HS3ST1: variants seen among roughly 807,000 people sequenced by gnomAD.
The protein encoded by HS3ST1 is heparan sulfate-glucosamine 3-sulfotransferase 1, also known as heparan sulfate glucosamine 3-O-sulfotransferase 1.
HS3ST1 carries 8 observed loss-of-function variants against 20.7 expected under a neutral mutation model. The ratio of observed to expected loss-of-function variants is 0.39; its 90% CI spans 0.23 to 0.70. The LOEUF is 0.70. Among genes scored for constraint, HS3ST1 ranks in the 30% least tolerant of loss-of-function variants. HS3ST1 has a pLI of 0.46. For synonymous variants in HS3ST1, 205 were observed against 190.4 expected (o/e 1.08, Z -0.63); for missense variants, 436 against 423.4 (o/e 1.03, Z -0.26).
chr4:11,397,055 C>T lies in HS3ST1; in HGVS notation c.*2027G>A, dbSNP rs1718164610. On this transcript the variant is annotated 3_prime_UTR_variant, in exon 2 of 2. Coordinates refer to ENST00000002596, the MANE Select transcript of HS3ST1 (RefSeq NM_005114.4). ...GCAGTTTCCTTTCAGTCACCATATT[C>T]CTGAACAGGCTTGGAAACTTGACTT... 1 of 152,228 alleles carries T rather than the reference C, an allele frequency of 6.6e-6. No homozygotes were observed. Among genetic ancestry groups the T allele is most frequent in the African/African-American group, 2.4e-5 (1 of 41,450 alleles). The allele number at this position is 152,228 out of a possible 1,614,324, so 9.4% of individuals were successfully genotyped here.
intron 1 of HS3ST1, among the ~76,000 whole-genome samples, chr4:11,407,975 T>C (rs1158229776): frequency 6.6e-6 from 1 of 152,232 alleles, no homozygotes; most frequent in African/African-American, 2.4e-5. Context: ...TGTCTTTTGT[T>C]TTTTATTTGT....
intron 1 of HS3ST1, among the ~76,000 whole-genome samples, chr4:11,403,376 C>T (rs2108881577): frequency 6.6e-6 from 1 of 152,278 alleles, no homozygotes; most frequent in South Asian, 2.1e-4. Flanking sequence ...CAAAAAGATT[C>T]CCAAGCTCAG....
At chr4:11,415,999 A>C (rs1166489049) in intron 1 of HS3ST1, among the ~76,000 whole-genome samples, 3 of 152,154 alleles carry the variant, frequency 2.0e-5, no homozygotes, top group African/African-American at 7.2e-5. Context: ...AAGTGTAAAA[A>C]CATTCCTAGA....
chr4:11,434,033 C>G (rs966113696), upstream of HS3ST1, among the ~76,000 whole-genome samples: 1 of 152,138 alleles, frequency 6.6e-6, no homozygotes, highest in African/African-American at 2.4e-5. Flanking sequence ...AGAGTATGTC[C>G]CTATTGTCCC....
upstream of HS3ST1, among the ~76,000 whole-genome samples, chr4:11,433,234 C>A (rs774681502): frequency 1.3e-5 from 2 of 152,076 alleles, no homozygotes; most frequent in Non-Finnish European, 2.9e-5. Context: ...GTACCATAAG[C>A]TCTGGGCAGT....
At chr4:11,416,962 A>G (rs1179752395) in intron 1 of HS3ST1, among the ~76,000 whole-genome samples, 2 of 152,216 alleles carry the variant, frequency 1.3e-5, no homozygotes, top group African/African-American at 4.8e-5. Context: ...TACGCAGAGG[A>G]AACAGTATGC....
At chr4:11,423,679 G>A (rs113913732) in intron 1 of HS3ST1, among the ~76,000 whole-genome samples, 2 of 152,108 alleles carry the variant, frequency 1.3e-5, no homozygotes, top group Admixed American at 6.5e-5. Flanking sequence ...CTCAATAAAC[G>A]TGTTAAAGGA....
intron 1 of HS3ST1, among the ~76,000 whole-genome samples, chr4:11,408,271 G>A (rs377746238): frequency 6.2e-4 from 94 of 152,208 alleles, no homozygotes; most frequent in African/African-American, 2.1e-3. Flanking sequence ...AGTACATGTG[G>A]CATGCTTAGG....
intron 1 of HS3ST1, among the ~76,000 whole-genome samples, chr4:11,408,571 G>T (rs1718532648): frequency 6.6e-6 from 1 of 152,200 alleles, no homozygotes; most frequent in African/African-American, 2.4e-5. Context: ...GTGTGCAGTG[G>T]TGAGGCAGGC....
intron 1 of HS3ST1, among the ~76,000 whole-genome samples, chr4:11,410,645 C>A (rs1718597610): frequency 6.6e-6 from 1 of 152,108 alleles, no homozygotes; most frequent in Admixed American, 6.5e-5. Context: ...GTAATCCCAG[C>A]ACTTTTGGGA....
chr4:11,405,206 G>T (rs1317411215), intron 1 of HS3ST1, among the ~76,000 whole-genome samples: 3 of 152,222 alleles, frequency 2.0e-5, no homozygotes, highest in Non-Finnish European at 4.4e-5. Context: ...CCCAAAGGGA[G>T]ACCCAGCTAC....
intron 1 of HS3ST1, among the ~76,000 whole-genome samples, chr4:11,420,431 A>G (rs561784977): frequency 8.5e-5 from 13 of 152,312 alleles, no homozygotes; most frequent in African/African-American, 3.1e-4. Flanking sequence ...ATTAGCTTTT[A>G]TTGCAGGAGC....
chr4:11,404,219 A>G (rs1248666652), intron 1 of HS3ST1, among the ~76,000 whole-genome samples: 1 of 151,968 alleles, frequency 6.6e-6, no homozygotes, highest in Admixed American at 6.6e-5. Flanking sequence ...TAATTTTTGT[A>G]TTATAATTTT....
upstream of HS3ST1, among the ~76,000 whole-genome samples, chr4:11,431,722 C>T (rs1436335370): frequency 6.6e-6 from 1 of 152,152 alleles, no homozygotes; most frequent in African/African-American, 2.4e-5. Context: ...ACAAAAGCAA[C>T]TGACCTATGA....
intron 1 of HS3ST1, among the ~76,000 whole-genome samples, chr4:11,415,278 T>C (rs1434110461): frequency 6.6e-6 from 1 of 152,252 alleles, no homozygotes; most frequent in Admixed American, 6.5e-5. Context: ...GTTTGCATTC[T>C]GGGTTAGTTA....
chr4:11,411,841 G>A (rs1718645833), intron 1 of HS3ST1, among the ~76,000 whole-genome samples: 2 of 152,320 alleles, frequency 1.3e-5, no homozygotes, highest in Non-Finnish European at 1.5e-5. Context: ...GAGTCGGGAG[G>A]CTGGTGATTA....
At chr4:11,429,875 AG>A (rs1719170847), upstream of HS3ST1, 1 of 151,968 alleles carries the variant, frequency 6.6e-6, no homozygotes, top group Non-Finnish European at 1.5e-5. Flanking sequence ...CCTGAGCCAA[AG>A]GAAGTTGCCC....
intron 1 of HS3ST1, chr4:11,414,086 A>T (rs1180019490): frequency 6.6e-6 from 1 of 152,190 alleles, no homozygotes. Context: ...ACAGTCTTCC[A>T]TCCCAAGTAC....
intron 1 of HS3ST1, among the ~76,000 whole-genome samples, chr4:11,401,207 C>G (rs1297398319): frequency 6.6e-6 from 1 of 152,116 alleles, no homozygotes; most frequent in Non-Finnish European, 1.5e-5. Context: ...GAGGGATAAA[C>G]AAGTGAAATT....
Sources: gnomAD v4.1 joint callset for allele counts (sites outside exome capture counted in the v4.1 genomes callset) on GRCh38, gnomAD v4.1.1 for gene constraint, MANE v1.5 for transcripts, NCBI Gene and HGNC (gene_info 2026-07-23, HGNC 2026-07-21) for gene names.